RYR1: variants seen among roughly 807,000 people sequenced by gnomAD.
The protein encoded by RYR1 is ryanodine receptor 1, also known as central core disease of muscle.
In RYR1, 342 loss-of-function variants were observed where a neutral mutation model predicts 583.5. That is an observed-to-expected ratio of 0.59 (90% CI 0.54 to 0.64). The LOEUF (loss-of-function observed/expected upper bound fraction) is 0.64, where lower values mean the gene tolerates loss of function less well. Among genes scored for constraint, RYR1 ranks in the 30% least tolerant of loss-of-function variants. RYR1 has a pLI of 0.00. For missense variants in RYR1, 6,032 were observed against 6,917.2 expected (o/e 0.87, Z 4.54); for synonymous variants, 2,791 against 2,822.5 (o/e 0.99, Z 0.35).
rs774292354 is a variant in RYR1, at chr19:38,512,017, A to G, written c.9173-55A>G. On this transcript the variant is annotated intron_variant, in intron 61 of 105. Coordinates refer to ENST00000359596, the MANE Select transcript of RYR1 (RefSeq NM_000540.3). This position sits in a 1 kb window ranked among gnomAD's most constrained non-coding sequence, Gnocchi z 5.1. The stretch of plus-strand genomic sequence containing the variant: ...GGTTGGGGTGGATGTAGAGGGAGGC[A>G]CTGTCCTCTGTCCTCTTAGCCATGG... 2.9e-5 allele frequency: 46 copies of G among 1,581,636 alleles called. No individual in the cohort carries two copies. The highest frequency in any genetic ancestry group is 3.7e-5 in the Non-Finnish European group (43 of 1,157,588).
In RYR1 at chr19:38,458,016, C is replaced by T. The variant is rs200852098; in HGVS notation, c.1926-35C>T. Reference sequence around the variant, plus strand: ...CACTTGGCTCTCCTCTCTGCCTCTCCGTCATCCCCCTCTCCTGTCCCATCT... The same window carrying T: ...CACTTGGCTCTCCTCTCTGCCTCTCTGTCATCCCCCTCTCCTGTCCCATCT... On this transcript the variant is annotated intron_variant, in intron 17 of 105. Coordinates refer to ENST00000359596, the MANE Select transcript of RYR1 (RefSeq NM_000540.3). The T allele has an allele frequency of 8.2e-5, 132 of 1,610,196 alleles. No individual in the cohort carries two copies. The African/African-American group carries it at 1.5e-3, about 18-fold the overall frequency.
chr19:38,554,263 C>A (rs1174542631), intron 89 of RYR1, among the ~76,000 whole-genome samples: 1 of 148,604 alleles, frequency 6.7e-6, no homozygotes, highest in African/African-American at 2.5e-5. Context: ...ACCAGCCTGA[C>A]CAACACGGTG....
chr19:38,586,299 TG>T, intron 104 of RYR1, 108 bp downstream of exon 104: 1 of 1,176,372 alleles, frequency 8.5e-7, no homozygotes, highest in Non-Finnish European at 1.2e-6. Context: ...AGTGTCCATG[TG>T]GGCAGATTCC....
At chr19:38,478,927 C>T (rs1968880043) in intron 31 of RYR1, among the ~76,000 whole-genome samples, 1 of 152,146 alleles carries the variant, frequency 6.6e-6, no homozygotes, top group African/African-American at 2.4e-5. Context: ...ACCACAACAG[C>T]CGGCTAAGTT....
chr19:38,449,977 C>G lies in RYR1; in HGVS notation c.1122+1164C>G, dbSNP rs1966993411. On this transcript the variant is annotated intron_variant, in intron 11 of 105. Transcript: ENST00000359596. Reference sequence around the variant, plus strand: ...CCTGGGGCTCAAGTGATCCTCCTGCCTCAGCCTCCCAAAGTGCTGAGATTA... The same window carrying G: ...CCTGGGGCTCAAGTGATCCTCCTGCGTCAGCCTCCCAAAGTGCTGAGATTA... Among the ~76,000 whole-genome samples the G allele has an allele frequency of 2.0e-5, 3 of 152,316 alleles. No individual in the cohort carries two copies. The South Asian group carries it at 6.2e-4, about 32-fold the overall frequency.
intron 70 of RYR1, among the ~76,000 whole-genome samples, chr19:38,524,619 C>G (rs528359927): frequency 6.6e-6 from 1 of 152,334 alleles, no homozygotes; most frequent in Admixed American, 6.5e-5. Context: ...GGGTCTGCAC[C>G]CAAGGCTCCA....
At chr19:38,522,917 C>G in intron 67 of RYR1, 111 bp from the exon 68 acceptor site, 1 of 899,026 alleles carries the variant, frequency 1.1e-6, no homozygotes, top group Non-Finnish European at 1.8e-6. Context: ...AACCCCATCC[C>G]TCTGACTGGA....
intron 42 of RYR1, among the ~76,000 whole-genome samples, chr19:38,497,362 C>G (rs1020964693): frequency 6.6e-6 from 1 of 152,240 alleles, no homozygotes; most frequent in Non-Finnish European, 1.5e-5. Context: ...TTTCTTCGCT[C>G]TCCGAGCTTC....
chr19:38,502,247 C>T (rs1427403405), intron 47 of RYR1, among the ~76,000 whole-genome samples: 1 of 151,778 alleles, frequency 6.6e-6, no homozygotes, highest in African/African-American at 2.4e-5. Context: ...AGAGCCAAAT[C>T]TGTAATGGGG....
chr19:38,441,737 T>TGG (rs374583989), intron 2 of RYR1, among the ~76,000 whole-genome samples: 1 of 96,358 alleles, frequency 1.0e-5, no homozygotes, highest in African/African-American at 3.8e-5. Context: ...TGGAATCTGA[T>TGG]GGGGGGGAAG....
intron 67 of RYR1, among the ~76,000 whole-genome samples, chr19:38,520,069 T>G (rs1971154461): frequency 6.7e-6 from 1 of 148,308 alleles, no homozygotes; most frequent in Non-Finnish European, 1.5e-5. Flanking sequence ...AGGAATAGTT[T>G]GCTTTTTTTT....
At chr19:38,582,970 G>A (rs1974282135) in intron 101 of RYR1, among the ~76,000 whole-genome samples, 1 of 152,042 alleles carries the variant, frequency 6.6e-6, no homozygotes. Context: ...ACTCTAGGAT[G>A]ACTGTGTTCT....
chr19:38,585,987 G>A lies in RYR1; in HGVS notation c.14853G>A (p.Val4951=), dbSNP rs199705005. The part of the protein sequence containing the change: ...FGELRDQQEQ[V]KEDMETKCFI... ...AGCTCCGAGACCAACAAGAGCAAGT[G>A]AAGGAGGATATGGAGGTAGGTCATG... The change falls in exon 103 of 106, where the codon GTG becomes GTA. Residue 4951 remains valine, a synonymous_variant. Coordinates refer to ENST00000359596, the MANE Select transcript of RYR1 (RefSeq NM_000540.3). The A allele has an allele frequency of 1.9e-6, 3 of 1,614,106 alleles. No individual in the cohort carries two copies. Among genetic ancestry groups the A allele is most frequent in the Non-Finnish European group, 1.7e-6 (2 of 1,180,024 alleles).
At chr19:38,505,465 G>A in intron 53 of RYR1, 67 bp downstream of exon 53, 1 of 1,135,184 alleles carries the variant, frequency 8.8e-7, no homozygotes, top group Non-Finnish European at 1.3e-6. Flanking sequence ...GATTCGGGGA[G>A]GAGTGAGGCA....
intron 73 of RYR1, 140 bp from the exon 74 acceptor site, chr19:38,528,166 T>A: frequency 1.3e-6 from 1 of 752,314 alleles, no homozygotes; most frequent in Non-Finnish European, 2.3e-6. Flanking sequence ...CTGACTCTGT[T>A]GGTGGAGACA....
chr19:38,445,863 G>A (rs1203464356), intron 7 of RYR1, among the ~76,000 whole-genome samples: 2 of 145,572 alleles, frequency 1.4e-5, no homozygotes, highest in African/African-American at 5.1e-5. Context: ...GATGGCGGGC[G>A]GCTGTAGCCC....
chr19:38,456,254 G>A (rs1189423223), intron 16 of RYR1, among the ~76,000 whole-genome samples: 6 of 145,524 alleles, frequency 4.1e-5, no homozygotes, highest in African/African-American at 7.6e-5. Context: ...AATTACAGGC[G>A]TGAACCACCA....
intron 36 of RYR1, 143 bp downstream of exon 36, chr19:38,490,419 A>T: frequency 1.1e-6 from 1 of 924,608 alleles, no homozygotes. Context: ...CTACTCTCTG[A>T]ATCAACCTGA....
At chr19:38,523,807 G>A (rs1971332086) in intron 69 of RYR1, 108 bp from the exon 70 acceptor site, 1 of 1,428,848 alleles carries the variant, frequency 7.0e-7, no homozygotes. Flanking sequence ...AGAATACATG[G>A]CGGGTGGGGC....
Sources: gnomAD v4.1 joint callset for allele counts (sites outside exome capture counted in the v4.1 genomes callset) on GRCh38, gnomAD v4.1.1 for gene constraint, Gnocchi (gnomAD v3.1) non-coding constraint, MANE v1.5 for transcripts, NCBI Gene and HGNC (gene_info 2026-07-23, HGNC 2026-07-21) for gene names.